The following KIAA0825 variants were observed in gnomAD, a reference collection of about 807,000 sequenced individuals.
KIAA0825 encodes the protein uncharacterized protein KIAA0825.
KIAA0825 carries 119 observed loss-of-function variants against 147.6 expected under a neutral mutation model. That is an observed-to-expected ratio of 0.81 (90% confidence interval 0.69 to 0.94). KIAA0825 has a LOEUF of 0.94. Ranked by LOEUF, KIAA0825 falls within the 40% of genes least tolerant of loss-of-function variation. The probability of loss-of-function intolerance (pLI) is 0.00; values close to 1 mark genes in which losing one functional copy is unlikely to be tolerated. For missense variants in KIAA0825, 1,381 were observed against 1,472.7 expected, an observed-to-expected ratio of 0.94 and a Z score of 1.02; for synonymous variants, 470 against 518.1, an observed-to-expected ratio of 0.91 and a Z score of 1.26.
chr5:94,238,684 G>A (rs186237668), intron 20 of KIAA0825, among the ~76,000 whole-genome samples: 139 of 152,066 alleles, frequency 9.1e-4, no homozygotes, highest in Non-Finnish European at 1.3e-3. Context: ...ATTTCACCAC[G>A]AGCGAAGCCA....
At chr5:94,539,566 G>C (rs1349388749) in intron 2 of KIAA0825, among the ~76,000 whole-genome samples, 1 of 152,148 alleles carries the variant, frequency 6.6e-6, no homozygotes, top group East Asian at 1.9e-4. Flanking sequence ...GGATGATACT[G>C]AAGAAACCCC....
intron 2 of KIAA0825, among the ~76,000 whole-genome samples, chr5:94,574,562 A>AAAAG (rs1561338859): frequency 2.7e-4 from 41 of 149,756 alleles, no homozygotes; most frequent in African/African-American, 1.0e-3. Flanking sequence ...AAAAAAAAAA[A>AAAAG]AAAGAAAAAA....
chr5:94,257,543 T>C (rs1031510309), intron 20 of KIAA0825, among the ~76,000 whole-genome samples: 1 of 152,078 alleles, frequency 6.6e-6, no homozygotes, highest in African/African-American at 2.4e-5. Context: ...CCAATTGCCC[T>C]AAATTTCTTA....
At position 94,551,271 on chromosome 5, in the gene KIAA0825, A is replaced by G. The variant is rs75162910; in HGVS notation, c.-1-14144T>C. On this transcript the variant is annotated intron_variant, in intron 2 of 20. Coordinates refer to ENST00000682413, the MANE Select transcript of KIAA0825 (RefSeq NM_001145678.3). ...ATGGGAGTTCCAGAAGGAAAAGAGA[A>G]GGACAAAGATATACAAACCTTATTT... Among the ~76,000 whole-genome samples the G allele has an allele frequency of 2.0e-3, 298 of 152,158 alleles. 9 individuals are homozygous for G. In the East Asian group the frequency reaches 0.05, roughly 26 times the overall value.
chr5:94,596,510 T>C (rs1785344280), intron 1 of KIAA0825, among the ~76,000 whole-genome samples: 1 of 152,132 alleles, frequency 6.6e-6, no homozygotes, highest in Admixed American at 6.6e-5. Context: ...ACTGACTAAC[T>C]TGATGCCTCT....
chr5:94,297,948 G>C (rs145542632), intron 20 of KIAA0825, among the ~76,000 whole-genome samples: 283 of 149,400 alleles, frequency 1.9e-3, no homozygotes, highest in Non-Finnish European at 3.6e-3. Context: ...TATTTTTGTT[G>C]TATAGAGTGG....
chr5:94,380,756 A>C (rs1748292806), intron 20 of KIAA0825, among the ~76,000 whole-genome samples: 1 of 152,236 alleles, frequency 6.6e-6, no homozygotes, highest in South Asian at 2.1e-4. Flanking sequence ...TGAAGTGGGA[A>C]AGCGTTTAGA....
chr5:94,502,947 A>G (rs1765257003), intron 5 of KIAA0825, among the ~76,000 whole-genome samples: 1 of 151,870 alleles, frequency 6.6e-6, no homozygotes, highest in South Asian at 2.1e-4. Flanking sequence ...CATCTCCACT[A>G]AAAATACAAA....
At chr5:94,480,020 C>G (rs1267390351) in intron 6 of KIAA0825, among the ~76,000 whole-genome samples, 2 of 151,892 alleles carry the variant, frequency 1.3e-5, no homozygotes, top group Admixed American at 1.3e-4. Flanking sequence ...ATAGTTTTTT[C>G]TTAGTTTGTG....
At chr5:94,204,870 G>A (rs1251592456) in intron 20 of KIAA0825, among the ~76,000 whole-genome samples, 1 of 152,036 alleles carries the variant, frequency 6.6e-6, no homozygotes, top group Non-Finnish European at 1.5e-5. Flanking sequence ...TAAGACAAAG[G>A]GATGGAAATG....
chr5:94,550,000 T>C (rs190956816), intron 2 of KIAA0825, among the ~76,000 whole-genome samples: 61 of 151,858 alleles, frequency 4.0e-4, no homozygotes, highest in Non-Finnish European at 3.1e-4. Flanking sequence ...AAAGATAAAA[T>C]GGACATCAAC....
At chr5:94,573,722 C>A (rs187747735) in intron 2 of KIAA0825, among the ~76,000 whole-genome samples, 290 of 152,288 alleles carry the variant, frequency 1.9e-3, no homozygotes, top group Middle Eastern at 3.4e-3. Flanking sequence ...AATAGAGATT[C>A]TTTACAGATG....
chr5:94,489,116 T>C (rs1291165183), intron 5 of KIAA0825, among the ~76,000 whole-genome samples: 1 of 152,196 alleles, frequency 6.6e-6, no homozygotes, highest in Non-Finnish European at 1.5e-5. Flanking sequence ...CTCTTCCACT[T>C]GTAAACCACT....
At chr5:94,178,516 T>C (rs1769316585) in intron 20 of KIAA0825, among the ~76,000 whole-genome samples, 1 of 151,982 alleles carries the variant, frequency 6.6e-6, no homozygotes, top group Non-Finnish European at 1.5e-5. Context: ...TCTTTTGACT[T>C]CTTAATTTTG....
chr5:94,265,359 C>G (rs1776696751), intron 20 of KIAA0825, among the ~76,000 whole-genome samples: 1 of 152,156 alleles, frequency 6.6e-6, no homozygotes, highest in Non-Finnish European at 1.5e-5. Context: ...AATTTTTATA[C>G]TACTACTAAA....
intron 2 of KIAA0825, among the ~76,000 whole-genome samples, chr5:94,558,432 C>G (rs1339979084): frequency 6.6e-6 from 1 of 152,328 alleles, no homozygotes; most frequent in East Asian, 1.9e-4. Context: ...GCCACTAGAA[C>G]TGCAGTTTTT....
chr5:94,558,782 C>A (rs1777030734), intron 2 of KIAA0825, among the ~76,000 whole-genome samples: 1 of 152,216 alleles, frequency 6.6e-6, no homozygotes, highest in Non-Finnish European at 1.5e-5. Flanking sequence ...TAAAAGAATT[C>A]TCCACCTTCC....
chr5:94,307,149 C>A (rs1444347435), intron 20 of KIAA0825, among the ~76,000 whole-genome samples: 1 of 151,766 alleles, frequency 6.6e-6, no homozygotes, highest in Non-Finnish European at 1.5e-5. Flanking sequence ...CACTGATAGT[C>A]TTTAGATCAA....
At chr5:94,551,213 T>C (rs1036132990) in intron 2 of KIAA0825, among the ~76,000 whole-genome samples, 5 of 151,944 alleles carry the variant, frequency 3.3e-5, no homozygotes, top group African/African-American at 7.3e-5. Flanking sequence ...TCAGGGTTTA[T>C]GGGACACAAT....
Sources: gnomAD v4.1 joint callset for allele counts (sites outside exome capture counted in the v4.1 genomes callset) on GRCh38, gnomAD v4.1.1 for gene constraint, MANE v1.5 for transcripts, NCBI Gene and HGNC (gene_info 2026-07-23, HGNC 2026-07-21) for gene names.